The following MYO1E variants were observed in gnomAD, a reference collection of about 807,000 sequenced individuals.
MYO1E encodes unconventional myosin-Ie.
MYO1E carries 68 observed loss-of-function variants against 151.1 expected under a neutral mutation model. The observed-to-expected ratio is 0.45, with a 90% CI of 0.37 to 0.55. The LOEUF is 0.55. Ranked by LOEUF, MYO1E falls within the 20% of genes least tolerant of loss-of-function variation. The pLI is 0.00. For synonymous variants in MYO1E, 601 were observed against 501.7 expected (o/e 1.20, Z -2.64); for missense variants, 1,363 against 1,389.3 (o/e 0.98, Z 0.30).
rs767509482 is a variant in MYO1E at position 59,163,205 on chromosome 15, C to T, written c.2579G>A (p.Arg860His). 1.2e-5 allele frequency: 19 copies of T among 1,614,042 alleles called. No homozygotes were observed. Among genetic ancestry groups the T allele is most frequent in the African/African-American group, 4.0e-5 (3 of 74,912 alleles). ...TTGCTTCTGGGTCTTCTCCTCGTAA[C>T]GCTTTGCTAAGAGGCTTAGGAATTC... is the stretch of plus-strand genomic sequence containing the variant. ...KTEFLSLLAK[R>H]YEEKTQKQLP... Residue 860 changes from arginine to histidine, a missense_variant, in exon 23 of 28, where the codon CGT becomes CAT. Transcript: ENST00000288235.
intron 1 of MYO1E, among the ~76,000 whole-genome samples, chr15:59,280,313 CACATTTTG>C (rs1170732680): frequency 6.6e-6 from 1 of 152,120 alleles, no homozygotes; most frequent in African/African-American, 2.4e-5. Flanking sequence ...TTCACATTTT[CACATTTTG>C]AAATTAGGAT....
intron 1 of MYO1E, among the ~76,000 whole-genome samples, chr15:59,310,484 A>G (rs558433703): frequency 6.6e-6 from 1 of 152,280 alleles, no homozygotes; most frequent in Admixed American, 6.5e-5. Context: ...AGGTCATGTG[A>G]TGATGGAGGC....
At chr15:59,147,276 G>C (rs781579256) in intron 26 of MYO1E, among the ~76,000 whole-genome samples, 5 of 152,176 alleles carry the variant, frequency 3.3e-5, no homozygotes, top group Non-Finnish European at 7.3e-5. Flanking sequence ...TCATTGTTAT[G>C]ATGACTGCAG....
intron 1 of MYO1E, among the ~76,000 whole-genome samples, chr15:59,337,055 C>T (rs927127917): frequency 3.9e-5 from 6 of 151,932 alleles, no homozygotes; most frequent in Non-Finnish European, 7.4e-5. Flanking sequence ...TTATATAATA[C>T]CTCCTTGCAG....
At chr15:59,287,841 C>T (rs1430400043) in intron 1 of MYO1E, among the ~76,000 whole-genome samples, 3 of 152,074 alleles carry the variant, frequency 2.0e-5, no homozygotes, top group Admixed American at 6.5e-5. Context: ...CCTGAGCTGC[C>T]GGGATAGACT....
At chr15:59,203,662 C>T (rs1353695254) in intron 15 of MYO1E, among the ~76,000 whole-genome samples, 1 of 152,226 alleles carries the variant, frequency 6.6e-6, no homozygotes, top group African/African-American at 2.4e-5. Context: ...GCATGAGCCA[C>T]TGCACCCAGC....
intron 1 of MYO1E, among the ~76,000 whole-genome samples, chr15:59,314,272 T>G (rs2140412747): frequency 1.3e-5 from 2 of 152,346 alleles, no homozygotes; most frequent in South Asian, 4.1e-4. Context: ...GCCTTAACTA[T>G]TTCACACAAT....
chr15:59,254,887 G>A lies in MYO1E; in HGVS notation c.332+1397C>T, dbSNP rs566263977. On this transcript the variant is annotated intron_variant, in intron 4 of 27. Transcript: ENST00000288235. ...GTCGCCCAGGCTGGACTGCAGTGGC[G>A]TGATCTTGGCTCACTGCAGCTTCCG... is the stretch of plus-strand genomic sequence containing the variant. Among the ~76,000 whole-genome samples, 5 of 151,866 alleles carry A rather than the reference G, an allele frequency of 3.3e-5. No homozygotes were observed. In the South Asian group the frequency reaches 6.3e-4, roughly 19 times the overall value.
chr15:59,323,479 C>G (rs139643971), intron 1 of MYO1E, among the ~76,000 whole-genome samples: 44 of 151,366 alleles, frequency 2.9e-4, no homozygotes, highest in African/African-American at 1.0e-3. Flanking sequence ...GGTGAAACCC[C>G]GTCTCTACTA....
intron 1 of MYO1E, 24 bp downstream of exon 1, chr15:59,372,474 T>C (rs557477257): frequency 2.6e-6 from 4 of 1,538,200 alleles, no homozygotes; most frequent in African/African-American, 2.7e-5. Context: ...TCCGGCGTCC[T>C]AGGACGCGGC....
At position 59,208,854 on chromosome 15, in the gene MYO1E, G is replaced by A; in HGVS notation, c.1363-6C>T. 1 of 1,614,054 alleles carries A rather than the reference G, an allele frequency of 6.2e-7. No homozygotes were observed. The highest frequency in any genetic ancestry group is 8.5e-7 in the Non-Finnish European group (1 of 1,180,046). On this transcript the variant is annotated splice_polypyrimidine_tract_variant and splice_region_variant and intron_variant, in intron 13 of 27. Coordinates refer to ENST00000288235, the MANE Select transcript of MYO1E (RefSeq NM_004998.4). ...CTCATGATGCCAGGAGGGTTCTGAT[G>A]GGAGCAAGAAGGCAAGGCCCTAGTC... is the stretch of plus-strand genomic sequence containing the variant.
In MYO1E at chr15:59,210,513, C is replaced by T. The variant is rs1345801065; in HGVS notation, c.1362+1G>A. ...AAAAGACATACTAAATGAACACTTA[C>T]CACTTTGTTCTCTATGAGGTCACAT... On this transcript the variant is annotated splice_donor_variant, in intron 13 of 27. Transcript: ENST00000288235. LOFTEE classifies it high-confidence loss of function. 1 of 1,565,764 alleles carries T rather than the reference C, an allele frequency of 6.4e-7. No individual in the cohort carries two copies. The highest frequency in any genetic ancestry group is 8.8e-7 in the Non-Finnish European group (1 of 1,136,056).
At chr15:59,364,094 G>A (rs1236814501) in intron 1 of MYO1E, among the ~76,000 whole-genome samples, 2 of 152,112 alleles carry the variant, frequency 1.3e-5, no homozygotes, top group African/African-American at 2.4e-5. Flanking sequence ...CACCAAGCCT[G>A]TATGCTAACC....
chr15:59,325,072 A>G (rs1343493103), intron 1 of MYO1E, among the ~76,000 whole-genome samples: 1 of 150,676 alleles, frequency 6.6e-6, no homozygotes, highest in African/African-American at 2.4e-5. Context: ...ATCTCGCTCT[A>G]TCGCCAGGCT....
chr15:59,149,052 GTT>G (rs570700878), intron 26 of MYO1E, among the ~76,000 whole-genome samples: 8,044 of 127,060 alleles, frequency 0.063, 612 homozygotes, highest in African/African-American at 0.2. Context: ...TTTTTTTTTT[GTT>G]TTTTTTTTTT....
intron 25 of MYO1E, among the ~76,000 whole-genome samples, chr15:59,155,458 G>A (rs1209762919): frequency 6.6e-6 from 1 of 152,164 alleles, no homozygotes; most frequent in African/African-American, 2.4e-5. Flanking sequence ...AGTTTGAGAA[G>A]TGCTGGTCAA....
intron 1 of MYO1E, among the ~76,000 whole-genome samples, chr15:59,299,377 C>T (rs893447480): frequency 9.2e-5 from 14 of 152,234 alleles, no homozygotes; most frequent in Non-Finnish European, 1.6e-4. Context: ...TTTAAATAGC[C>T]GCCGCACTCT....
At chr15:59,330,836 A>G (rs1252172594) in intron 1 of MYO1E, among the ~76,000 whole-genome samples, 2 of 152,090 alleles carry the variant, frequency 1.3e-5, no homozygotes, top group Non-Finnish European at 2.9e-5. Context: ...TGGTGCAATC[A>G]TGGCTCACTG....
chr15:59,315,225 A>T (rs1312282644), intron 1 of MYO1E, among the ~76,000 whole-genome samples: 1 of 152,102 alleles, frequency 6.6e-6, no homozygotes, highest in Non-Finnish European at 1.5e-5. Flanking sequence ...TTGCCTAAAC[A>T]ATAGCTTCCA....
Sources: allele counts gnomAD v4.1 joint callset (sites outside exome capture counted in the v4.1 genomes callset), GRCh38; gene constraint gnomAD v4.1.1; transcripts MANE v1.5; gene names NCBI Gene and HGNC (gene_info 2026-07-23, HGNC 2026-07-21).